Variants in OPHN1 observed in about 807,000 individuals in gnomAD.
OPHN1 encodes oligophrenin-1.
In OPHN1, 11 loss-of-function variants were observed where a neutral mutation model predicts 60.7. The observed-to-expected ratio is 0.18, with a 90% CI of 0.11 to 0.30. The LOEUF (loss-of-function observed/expected upper bound fraction) is 0.30, where lower values mean the gene tolerates loss of function less well. Ranked by LOEUF, OPHN1 falls within the 10% of genes least tolerant of loss-of-function variation. The pLI is 1.00. For synonymous variants in OPHN1, 226 were observed against 222.6 expected (o/e 1.02, Z -0.14); for missense variants, 449 against 611.0 (o/e 0.73, Z 2.80).
chrX:68,106,148 TA>T (rs2077081058), intron 18 of OPHN1, among the ~76,000 whole-genome samples: 1 of 105,490 alleles, frequency 9.5e-6, no homozygotes, highest in African/African-American at 3.5e-5. Context: ...TGAACTATAT[TA>T]ACAGTAATGA....
At chrX:68,099,286 T>C (rs772952448) in intron 18 of OPHN1, among the ~76,000 whole-genome samples, 3 of 111,975 alleles carry the variant, frequency 2.7e-5, no homozygotes, top group African/African-American at 6.5e-5. Context: ...GAGTATGTGA[T>C]GTTATTTGAC....
intron 21 of OPHN1, among the ~76,000 whole-genome samples, chrX:68,062,088 T>C (rs1283110865): frequency 2.7e-5 from 3 of 112,110 alleles, no homozygotes; most frequent in Non-Finnish European, 5.6e-5. Context: ...ACCAAACCTG[T>C]GACACTGCTC....
chrX:68,403,458 C>G (rs2078725319), intron 2 of OPHN1, among the ~76,000 whole-genome samples: 1 of 111,334 alleles, frequency 9.0e-6, no homozygotes, highest in Admixed American at 9.6e-5. Flanking sequence ...AATCATATGC[C>G]TTCTTTTTTG....
Position 68,264,926 on chromosome X carries a change from A to T in OPHN1, c.384+9812T>A, listed in dbSNP as rs1342247774. ...GTCCTACGCCCACAGAGCCTCACTC[A>T]CTGCTAGCACAGCAGTCTGAGATCA... On this transcript the variant is annotated intron_variant, in intron 5 of 24. Coordinates refer to ENST00000355520, the MANE Select transcript of OPHN1 (RefSeq NM_002547.3). Among the ~76,000 whole-genome samples the T allele has an allele frequency of 4.5e-5, 5 of 112,223 alleles. No homozygotes were observed. In the East Asian group the frequency reaches 1.4e-3, roughly 31 times the overall value.
intron 21 of OPHN1, among the ~76,000 whole-genome samples, chrX:68,057,315 A>C (rs1049319399): frequency 1.8e-5 from 2 of 112,025 alleles, no homozygotes; most frequent in Non-Finnish European, 3.8e-5. Flanking sequence ...TGCTATGTGC[A>C]GCCAAGATTG....
At chrX:68,403,041 G>C (rs1009250915) in intron 2 of OPHN1, among the ~76,000 whole-genome samples, 1 of 112,204 alleles carries the variant, frequency 8.9e-6, no homozygotes, top group Non-Finnish European at 1.9e-5. Context: ...ATCAGAATTT[G>C]AACAAGCCAA....
rs746681314 is a variant in OPHN1 at position 68,045,590 on chromosome X, C to G, written c.*1582G>C. The G allele has an allele frequency of 2.7e-4, 30 of 111,971 alleles. No individual in the cohort carries two copies. The highest frequency in any genetic ancestry group is 6.6e-4 in the Admixed American group (7 of 10,548). The allele number at this position is 111,971 out of a possible 1,213,427, so 9.2% of individuals were successfully genotyped here. On this transcript the variant is annotated 3_prime_UTR_variant, in exon 25 of 25. Transcript: ENST00000355520. ...TTATACAGACGCTACAGACAAGCTA[C>G]GGCCCAGGCATCTGCATAGAAACAA... is the stretch of plus-strand genomic sequence containing the variant.
intron 15 of OPHN1, among the ~76,000 whole-genome samples, chrX:68,140,635 C>T (rs2077238453): frequency 9.1e-6 from 1 of 109,968 alleles, no homozygotes; most frequent in South Asian, 4.0e-4. Context: ...CCGGCTAAAC[C>T]TCACCCTCAA....
chrX:68,271,121 A>G (rs1229453547), intron 5 of OPHN1, among the ~76,000 whole-genome samples: 1 of 111,871 alleles, frequency 8.9e-6, no homozygotes, highest in African/African-American at 3.3e-5. Flanking sequence ...ATCAGGAGAT[A>G]GAAAACCTTA....
chrX:68,267,109 G>A (rs766003494), intron 5 of OPHN1, among the ~76,000 whole-genome samples: 1 of 111,211 alleles, frequency 9.0e-6, no homozygotes, highest in Non-Finnish European at 1.9e-5. Flanking sequence ...GTCAACATTA[G>A]ACAGATCAAA....
chrX:68,360,483 C>T (rs2078466794), intron 2 of OPHN1, among the ~76,000 whole-genome samples: 1 of 111,201 alleles, frequency 9.0e-6, no homozygotes, highest in Admixed American at 9.7e-5. Context: ...CATAAGCCAC[C>T]ATGTCCAGCT....
At chrX:68,182,518 A>C (rs16990521) in intron 15 of OPHN1, among the ~76,000 whole-genome samples, 6,244 of 110,907 alleles carry the variant, frequency 0.056, 435 homozygotes, top group African/African-American at 0.2. Flanking sequence ...TGGGTTGTTA[A>C]TGTCTAAAAG....
intron 2 of OPHN1, among the ~76,000 whole-genome samples, chrX:68,323,989 C>T (rs116007192): frequency 0.017 from 1,935 of 111,698 alleles, 34 homozygotes; most frequent in African/African-American, 0.052. Flanking sequence ...TAAAAGCTTA[C>T]ATCAAACATC....
chrX:68,083,262 C>T (rs1215501105), intron 19 of OPHN1, among the ~76,000 whole-genome samples: 7 of 103,957 alleles, frequency 6.7e-5, no homozygotes, highest in African/African-American at 2.1e-4. Context: ...TTAGTAGAGA[C>T]GGGGTTTCAC....
rs184455355 is a variant in OPHN1, at chrX:68,143,006, A to C, written c.1277-23674T>G. On this transcript the variant is annotated intron_variant, in intron 15 of 24. Coordinates refer to ENST00000355520, the MANE Select transcript of OPHN1 (RefSeq NM_002547.3). ...TTCTATTTTAAGACTCCTATAGAAC[A>C]AGCTTTTCATTTGAGTTCCTGTATC... 2.7e-5 allele frequency among the ~76,000 whole-genome samples: 3 copies of C among 111,566 alleles called. No homozygotes were observed. In the Admixed American group the frequency reaches 2.9e-4, roughly 11 times the overall value.
At chrX:68,256,368 G>A (rs768576125) in intron 5 of OPHN1, among the ~76,000 whole-genome samples, 18 of 111,484 alleles carry the variant, frequency 1.6e-4, no homozygotes, top group African/African-American at 4.9e-4. Flanking sequence ...TCTGCAGCTC[G>A]ACTTTACAGG....
intron 15 of OPHN1, among the ~76,000 whole-genome samples, chrX:68,169,016 T>C (rs12391418): frequency 0.35 from 38,771 of 110,043 alleles, 5,687 homozygotes; most frequent in African/African-American, 0.53. Flanking sequence ...TAATCAATAG[T>C]TTACCAACCA....
chrX:68,159,554 C>T (rs1213574058), intron 15 of OPHN1, among the ~76,000 whole-genome samples: 1 of 111,941 alleles, frequency 8.9e-6, no homozygotes, highest in Non-Finnish European at 1.9e-5. Flanking sequence ...TATACTTGCT[C>T]TCCATTCCTC....
At chrX:68,286,175 GCTTGTTGTT>G (rs1287703413) in intron 3 of OPHN1, among the ~76,000 whole-genome samples, 5 of 111,463 alleles carry the variant, frequency 4.5e-5, no homozygotes, top group Admixed American at 2.9e-4. Context: ...TTTCCCCAGA[GCTTGTTGTT>G]CTTGTGGTTG....
Sources: allele counts gnomAD v4.1 joint callset (sites outside exome capture counted in the v4.1 genomes callset), GRCh38; gene constraint gnomAD v4.1.1; transcripts MANE v1.5; gene names NCBI Gene and HGNC (gene_info 2026-07-23, HGNC 2026-07-21).